CNTN5: variants seen among roughly 807,000 people sequenced by gnomAD.
CNTN5 encodes the protein contactin-5.
CNTN5 carries 77 observed loss-of-function variants against 129.1 expected under a neutral mutation model. That is an observed-to-expected ratio of 0.60 (90% confidence interval 0.50 to 0.72). The LOEUF is 0.72. CNTN5 is among the 30% of genes least tolerant of loss of function. CNTN5 has a pLI of 0.00. For synonymous variants in CNTN5, 509 were observed against 465.6 expected (o/e 1.09, Z -1.20); for missense variants, 1,478 against 1,328.8 (o/e 1.11, Z -1.75).
At chr11:99,289,944 A>T (rs1864099194) in intron 1 of CNTN5, among the ~76,000 whole-genome samples, 1 of 151,772 alleles carries the variant, frequency 6.6e-6, no homozygotes, top group Non-Finnish European at 1.5e-5. Flanking sequence ...GTGAACTTAC[A>T]TTACTAAGTA....
chr11:99,854,453 G>A (rs1947970782), intron 6 of CNTN5, among the ~76,000 whole-genome samples: 1 of 151,988 alleles, frequency 6.6e-6, no homozygotes. Context: ...AATATTCCAG[G>A]TAAAAAGGGC....
chr11:99,898,571 C>G (rs1949270463), intron 6 of CNTN5, among the ~76,000 whole-genome samples: 1 of 152,014 alleles, frequency 6.6e-6, no homozygotes, highest in Non-Finnish European at 1.5e-5. Context: ...ATATTCTAGA[C>G]ACAGGCACTG....
intron 1 of CNTN5, among the ~76,000 whole-genome samples, chr11:99,130,838 GA>G (rs763789955): frequency 2.0e-5 from 3 of 151,986 alleles, no homozygotes; most frequent in Non-Finnish European, 4.4e-5. Flanking sequence ...CATAGAAATT[GA>G]ACAACCTGCT....
chr11:99,849,081 A>T (rs1243694380), intron 6 of CNTN5, among the ~76,000 whole-genome samples: 1 of 152,070 alleles, frequency 6.6e-6, no homozygotes, highest in Non-Finnish European at 1.5e-5. Context: ...AATTATATTC[A>T]TAAAAAAGGT....
chr11:99,612,693 T>C lies in CNTN5; in HGVS notation c.55+56424T>C, dbSNP rs956088798. 9.2e-5 allele frequency among the ~76,000 whole-genome samples: 14 copies of C among 152,364 alleles called. 1 individual carries two copies. The highest frequency in any genetic ancestry group is 3.4e-4 in the African/African-American group (14 of 41,586). ...AAACACAGGCATTATCATTTATTAA[T>C]CTTTTTAACTTCACTTTATGCATTC... is the stretch of plus-strand genomic sequence containing the variant. On this transcript the variant is annotated intron_variant, in intron 3 of 24. Coordinates refer to ENST00000524871, the MANE Select transcript of CNTN5 (RefSeq NM_014361.4).
chr11:99,717,223 G>T (rs1009063065), intron 3 of CNTN5, among the ~76,000 whole-genome samples: 4 of 151,972 alleles, frequency 2.6e-5, no homozygotes, highest in Non-Finnish European at 5.9e-5. Flanking sequence ...TGCTATATCT[G>T]TTGATTTGAA....
At chr11:99,345,496 A>T (rs1937781864) in intron 2 of CNTN5, among the ~76,000 whole-genome samples, 1 of 152,180 alleles carries the variant, frequency 6.6e-6, no homozygotes, top group Non-Finnish European at 1.5e-5. Flanking sequence ...ATTTTTCTCA[A>T]TTCTTAACCT....
chr11:99,753,350 C>T (rs375217268), intron 3 of CNTN5, among the ~76,000 whole-genome samples: 1 of 151,428 alleles, frequency 6.6e-6, no homozygotes, highest in Admixed American at 6.6e-5. Context: ...TCTCGATCTC[C>T]TGACCTCGTG....
chr11:99,448,037 A>G lies in CNTN5; in HGVS notation c.-70-108108A>G, dbSNP rs1944142427. Among the ~76,000 whole-genome samples, 4 of 152,186 alleles carry G rather than the reference A, an allele frequency of 2.6e-5. No individual in the cohort carries two copies. In the South Asian group the frequency reaches 8.3e-4, roughly 31 times the overall value. The stretch of plus-strand genomic sequence containing the variant: ...TTAGCATGATTTGCTTGAATAAATT[A>G]TTTTATAATTACATTATACATTTAT... On this transcript the variant is annotated intron_variant, in intron 2 of 24. Coordinates refer to ENST00000524871, the MANE Select transcript of CNTN5 (RefSeq NM_014361.4).
At chr11:99,677,434 G>A (rs947601860) in intron 3 of CNTN5, among the ~76,000 whole-genome samples, 9 of 152,092 alleles carry the variant, frequency 5.9e-5, no homozygotes, top group South Asian at 2.1e-4. Flanking sequence ...GCAGTTTGAG[G>A]ATGTTGATTT....
chr11:99,313,536 C>T (rs998689692), intron 1 of CNTN5, among the ~76,000 whole-genome samples: 5 of 151,782 alleles, frequency 3.3e-5, no homozygotes, highest in African/African-American at 9.7e-5. Context: ...AAATTATTTA[C>T]TTATGGTTTA....
chr11:99,192,304 G>A (rs1223761441), intron 1 of CNTN5, among the ~76,000 whole-genome samples: 1 of 151,604 alleles, frequency 6.6e-6, no homozygotes, highest in Non-Finnish European at 1.5e-5. Context: ...CTAGACACAG[G>A]CAACCTACCA....
intron 9 of CNTN5, among the ~76,000 whole-genome samples, chr11:100,031,237 A>G (rs890157109): frequency 1.3e-5 from 2 of 152,194 alleles, no homozygotes; most frequent in African/African-American, 4.8e-5. Context: ...AAAAGATGAA[A>G]TGCTCCTGAT....
intron 9 of CNTN5, among the ~76,000 whole-genome samples, chr11:100,037,263 A>T (rs1341243136): frequency 1.3e-5 from 2 of 149,186 alleles, no homozygotes; most frequent in Non-Finnish European, 3.0e-5. Flanking sequence ...TATATGCTGG[A>T]TTACATTTAT....
Position 99,768,396 on chromosome 11 carries a change from C to T in CNTN5, c.56-51148C>T, listed in dbSNP as rs148431703. Among the ~76,000 whole-genome samples the T allele has an allele frequency of 1.9e-3, 292 of 152,152 alleles. 1 individual carries two copies. The highest frequency in any genetic ancestry group is 4.8e-3 in the Admixed American group (73 of 15,254). ...CCTACATGATCACAACATTATAATACGCGAAGTATTTAACAATGGTACAGT... is the reference window on the plus strand; with the variant it reads ...CCTACATGATCACAACATTATAATATGCGAAGTATTTAACAATGGTACAGT... On this transcript the variant is annotated intron_variant, in intron 3 of 24. Coordinates refer to ENST00000524871, the MANE Select transcript of CNTN5 (RefSeq NM_014361.4).
chr11:99,543,002 G>T (rs1382897031), intron 2 of CNTN5, among the ~76,000 whole-genome samples: 1 of 152,196 alleles, frequency 6.6e-6, no homozygotes, highest in African/African-American at 2.4e-5. Flanking sequence ...TGAAGGCCTT[G>T]TGTTGTGCCT....
At chr11:99,470,012 AG>A (rs1453090669) in intron 2 of CNTN5, among the ~76,000 whole-genome samples, 1 of 152,128 alleles carries the variant, frequency 6.6e-6, no homozygotes, top group Non-Finnish European at 1.5e-5. Flanking sequence ...TGAGGTTCAA[AG>A]AGTTAGAGCA....
At chr11:99,327,829 C>A (rs186554948) in intron 2 of CNTN5, among the ~76,000 whole-genome samples, 12 of 152,118 alleles carry the variant, frequency 7.9e-5, no homozygotes, top group African/African-American at 2.2e-4. Flanking sequence ...ATATTAAAAG[C>A]GGTCCTGAGT....
intron 3 of CNTN5, among the ~76,000 whole-genome samples, chr11:99,630,134 T>G (rs1951285450): frequency 6.6e-6 from 1 of 151,612 alleles, no homozygotes; most frequent in Non-Finnish European, 1.5e-5. Flanking sequence ...GATAAAATAA[T>G]TCATTAAAAA....
Sources: allele counts gnomAD v4.1 joint callset (sites outside exome capture counted in the v4.1 genomes callset), GRCh38; gene constraint gnomAD v4.1.1; transcripts MANE v1.5; gene names NCBI Gene and HGNC (gene_info 2026-07-23, HGNC 2026-07-21).